PDE1A: variants seen among roughly 807,000 people sequenced by gnomAD.
PDE1A encodes the protein dual specificity calcium/calmodulin-dependent 3',5'-cyclic nucleotide phosphodiesterase 1A.
Under a neutral mutation model 61.7 loss-of-function variants are expected in PDE1A, and 35 were observed. The observed-to-expected ratio is 0.57, with a 90% confidence interval of 0.43 to 0.75. The LOEUF (loss-of-function observed/expected upper bound fraction) is 0.75. PDE1A is among the 30% of genes least tolerant of loss of function. The probability of loss-of-function intolerance (pLI) is 0.00; values close to 1 mark genes in which losing one functional copy is unlikely to be tolerated. For synonymous variants in PDE1A, 232 were observed against 213.2 expected, an observed-to-expected ratio of 1.09 and a Z score of -0.77; for missense variants, 597 against 630.6, an observed-to-expected ratio of 0.95 and a Z score of 0.57.
chr2:182,385,674 G>GAAGAAA (rs1701002971), intron 1 of PDE1A, among the ~76,000 whole-genome samples: 6 of 115,330 alleles, frequency 5.2e-5, no homozygotes, highest in Admixed American at 8.9e-5. Context: ...AAAAAAGAAA[G>GAAGAAA]AAAAGAAAGA....
intron 1 of PDE1A, among the ~76,000 whole-genome samples, chr2:182,355,015 G>A (rs1428431920): frequency 6.6e-6 from 1 of 152,054 alleles, no homozygotes; most frequent in Non-Finnish European, 1.5e-5. Flanking sequence ...TGTATTTGAA[G>A]TGTTAATGCA....
At chr2:182,152,412 CTTTTT>C (rs559392112) in intron 13 of PDE1A, among the ~76,000 whole-genome samples, 3 of 75,294 alleles carry the variant, frequency 4.0e-5, no homozygotes, top group Admixed American at 3.7e-4. Flanking sequence ...TTTTTTTCCT[CTTTTT>C]TTTTTTTTTT....
chr2:182,289,060 C>A (rs1694354000), intron 1 of PDE1A, among the ~76,000 whole-genome samples: 1 of 149,014 alleles, frequency 6.7e-6, no homozygotes, highest in Admixed American at 6.6e-5. Flanking sequence ...TTCTGGTTGT[C>A]CATAATTCTT....
At chr2:182,598,249 T>A in the PDE1A span, among the ~76,000 whole-genome samples, 2 of 152,168 alleles carry the variant, frequency 1.3e-5, no homozygotes, top group Admixed American at 1.3e-4. Flanking sequence ...ATTGCAATTA[T>A]CCTAAGAAGA....
chr2:182,323,805 G>A (rs923172931), intron 1 of PDE1A, among the ~76,000 whole-genome samples: 2 of 152,162 alleles, frequency 1.3e-5, no homozygotes, highest in Non-Finnish European at 2.9e-5. Context: ...GTGTGAGACT[G>A]TACCAGCTTC....
At chr2:182,540,366 G>GAAAA in the PDE1A span, among the ~76,000 whole-genome samples, 2 of 108,408 alleles carry the variant, frequency 1.8e-5, no homozygotes, top group Non-Finnish European at 3.5e-5. Context: ...CTGTCTCAAA[G>GAAAA]AAAAAAAAAA....
chr2:182,559,961 G>C, the PDE1A span, among the ~76,000 whole-genome samples: 1 of 151,900 alleles, frequency 6.6e-6, no homozygotes, highest in Admixed American at 6.6e-5. Flanking sequence ...CCCTCAGTAT[G>C]GGTAGGGAGC....
chr2:182,201,303 T>C, intron 10 of PDE1A, 136 bp downstream of exon 10: 2 of 1,068,266 alleles, frequency 1.9e-6, no homozygotes, highest in Non-Finnish European at 2.7e-6. Flanking sequence ...TAAATTTTGC[T>C]GAAACCCCCA....
intron 2 of PDE1A, among the ~76,000 whole-genome samples, chr2:182,435,581 A>G (rs984523153): frequency 6.6e-6 from 1 of 152,074 alleles, no homozygotes; most frequent in African/African-American, 2.4e-5. Flanking sequence ...GTTCCATGTG[A>G]TATCAAAGTT....
At chr2:182,248,295 A>G (rs1691137290) in intron 2 of PDE1A, among the ~76,000 whole-genome samples, 1 of 151,904 alleles carries the variant, frequency 6.6e-6, no homozygotes, top group Non-Finnish European at 1.5e-5. Context: ...AAAACGTGCT[A>G]TACAGAAAAA....
intron 7 of PDE1A, among the ~76,000 whole-genome samples, chr2:182,206,569 T>C (rs1198857554): frequency 6.6e-6 from 1 of 152,166 alleles, no homozygotes; most frequent in Non-Finnish European, 1.5e-5. Context: ...TCCCTTTCTC[T>C]CCCCTAACCC....
Position 182,155,022 on chromosome 2 carries a change from G to A in PDE1A, c.1517-7870C>T, listed in dbSNP as rs114193261. ...AATCTCTCACCTATAATTTTTCATTGTTCTCTTTTTTTTTTAATGGGCCCA... is the reference window on the plus strand; with the variant it reads ...AATCTCTCACCTATAATTTTTCATTATTCTCTTTTTTTTTTAATGGGCCCA... On this transcript the variant is annotated intron_variant, in intron 13 of 13. Coordinates refer to the PDE1A transcript ENST00000409365. Among the ~76,000 whole-genome samples, 709 of 119,664 alleles carry A rather than the reference G, an allele frequency of 5.9e-3. 3 individuals carry two copies. The highest frequency in any genetic ancestry group is 0.02 in the African/African-American group (639 of 31,664). 78.5% of individuals were successfully genotyped at this position (119,664 alleles called of 152,430 possible).
At chr2:182,577,433 G>A in the PDE1A span, among the ~76,000 whole-genome samples, 10,358 of 152,244 alleles carry the variant, frequency 0.068, 387 homozygotes, top group Admixed American at 0.092. Context: ...CCCCCAGATG[G>A]CAAAGCTCGG....
chr2:182,510,656 C>A (rs1011982979), intron 2 of PDE1A, among the ~76,000 whole-genome samples: 7 of 152,150 alleles, frequency 4.6e-5, no homozygotes, highest in African/African-American at 1.7e-4. Flanking sequence ...ATTTTCAAGC[C>A]AGAGTGACTC....
At chr2:182,539,385 T>G in the PDE1A span, among the ~76,000 whole-genome samples, 3 of 152,164 alleles carry the variant, frequency 2.0e-5, no homozygotes, top group Admixed American at 2.0e-4. Context: ...ATTATTAGTT[T>G]TATTTTGAGT....
At chr2:182,309,675 C>T (rs1209589304) in intron 1 of PDE1A, among the ~76,000 whole-genome samples, 3 of 151,678 alleles carry the variant, frequency 2.0e-5, no homozygotes, top group South Asian at 2.1e-4. Context: ...GTTTGAAGGG[C>T]GAGAAGAATG....
chr2:182,175,563 C>A (rs1692669967), intron 13 of PDE1A, among the ~76,000 whole-genome samples: 1 of 122,950 alleles, frequency 8.1e-6, no homozygotes, highest in Non-Finnish European at 1.7e-5. Context: ...TGTTTGAGTT[C>A]ATTGTAGATT....
At chr2:182,535,036 C>T in the PDE1A span, among the ~76,000 whole-genome samples, 1 of 147,070 alleles carries the variant, frequency 6.8e-6, no homozygotes, top group Non-Finnish European at 1.5e-5. Flanking sequence ...AATTTTTCTG[C>T]TGCCTTCATT....
chr2:182,311,823 G>A (rs2577660), intron 1 of PDE1A, among the ~76,000 whole-genome samples: 141,429 of 152,176 alleles, frequency 0.93, 66,348 homozygotes, highest in East Asian at 0.99. Context: ...CATATTAGGT[G>A]TAAGTTTAAC....
Sources: gnomAD v4.1 joint callset for allele counts (sites outside exome capture counted in the v4.1 genomes callset) on GRCh38, gnomAD v4.1.1 for gene constraint, MANE v1.5 for transcripts, NCBI Gene and HGNC (gene_info 2026-07-23, HGNC 2026-07-21) for gene names.